SMURF2: variants seen among roughly 807,000 people sequenced by gnomAD.
SMURF2 encodes the protein E3 ubiquitin-protein ligase SMURF2.
A neutral mutation model predicts 109.6 loss-of-function variants in SMURF2; 48 were observed. The ratio of observed to expected loss-of-function variants is 0.44; its 90% confidence interval spans 0.35 to 0.56. The LOEUF (loss-of-function observed/expected upper bound fraction) is 0.56, where lower values mean the gene tolerates loss of function less well. Ranked by LOEUF, SMURF2 falls within the 20% of genes least tolerant of loss-of-function variation. The probability of loss-of-function intolerance (pLI) is 0.01; values close to 1 mark genes in which losing one functional copy is unlikely to be tolerated. For missense variants in SMURF2, 575 were observed against 909.0 expected, an observed-to-expected ratio of 0.63 and a Z score of 4.72; for synonymous variants, 288 against 317.1, an observed-to-expected ratio of 0.91 and a Z score of 0.97.
chr17:64,586,097 A>G lies in SMURF2; in HGVS notation c.474T>C (p.Asp158=), dbSNP rs1969648120. ...VVDCSRLFDN[D]LPDGWEERRT... Reference sequence around the variant, plus strand: ...TGATGTTAGCTTACCCGTCTGGTAAATCGTTATCAAATAAACGACTGCAGT... The same window carrying G: ...TGATGTTAGCTTACCCGTCTGGTAAGTCGTTATCAAATAAACGACTGCAGT... Residue 158 remains aspartate (D), a synonymous_variant, in exon 6 of 19, where the codon GAT becomes GAC. Transcript: ENST00000262435. 4.4e-6 allele frequency: 7 copies of G among 1,597,228 alleles called. No individual in the cohort carries two copies. Among genetic ancestry groups the G allele is most frequent in the Non-Finnish European group, 6.0e-6 (7 of 1,168,878 alleles).
Position 64,554,990 on chromosome 17 carries a change from C to G in SMURF2, c.1614G>C (p.Glu538Asp). Residue 538 changes from glutamate to aspartate, a missense_variant, in exon 15 of 19, where the codon GAG becomes GAC. Glu to Asp is a conservative substitution (Grantham distance 45). Around this residue, in one of 5 missense-constraint regions of SMURF2, gnomAD observed 361 missense variants for 612.1 expected, o/e 0.59. Coordinates refer to ENST00000262435, the MANE Select transcript of SMURF2 (RefSeq NM_022739.4). The stretch of plus-strand genomic sequence containing the variant: ...GGTCCAAAACACCTGTAATATCATT[C>G]TCACTGGATAGGAAAGAGGAAAAGA... The part of the protein sequence containing the change: ...DLHNSLVWIL[E>D]NDITGVLDHT... The G allele has an allele frequency of 6.2e-7, 1 of 1,612,834 alleles. No individual in the cohort carries two copies. Among genetic ancestry groups the G allele is most frequent in the Non-Finnish European group, 8.5e-7 (1 of 1,179,422 alleles).
At chr17:64,583,732 A>C (rs1029100847) in intron 6 of SMURF2, among the ~76,000 whole-genome samples, 188 bp from the exon 7 acceptor site, 1 of 152,210 alleles carries the variant, frequency 6.6e-6, no homozygotes, top group East Asian at 1.9e-4. Context: ...TGAAGCTTCT[A>C]AAGTATTTAT....
intron 9 of SMURF2, among the ~76,000 whole-genome samples, chr17:64,576,230 G>C (rs375327614): frequency 1.3e-5 from 2 of 151,748 alleles, no homozygotes; most frequent in African/African-American, 4.9e-5. Flanking sequence ...AGGGAGGCAG[G>C]GAGAAAACAA....
At position 64,650,354 on chromosome 17, in the gene SMURF2, T is replaced by G. The variant is rs570299502; in HGVS notation, c.52+11475A>C. On this transcript the variant is annotated intron_variant, in intron 1 of 18. Transcript: ENST00000262435. ...ACGGGTTTTTTGTTTTTTGTTTTTT[T>G]TTTTGGTATTTTCACACCTGGTTTT... Among the ~76,000 whole-genome samples the G allele has an allele frequency of 4.1e-4, 59 of 143,080 alleles. 1 individual carries two copies. The South Asian group carries it at 5.8e-3, about 14-fold the overall frequency. The allele number at this position is 143,080 out of a possible 152,430, so 93.9% of individuals were successfully genotyped here. A position where few individuals can be genotyped will look rare whatever the true frequency, so the allele number is the denominator to read the frequency against.
At chr17:64,605,925 G>GTT (rs200749089) in intron 2 of SMURF2, among the ~76,000 whole-genome samples, 7,118 of 142,930 alleles carry the variant, frequency 0.05, 282 homozygotes, top group Admixed American at 0.14. Context: ...GTTGGCTGAA[G>GTT]TTTTTTTTTT....
chr17:64,640,880 C>T (rs1298824006), intron 1 of SMURF2, among the ~76,000 whole-genome samples: 11 of 145,744 alleles, frequency 7.5e-5, no homozygotes, highest in African/African-American at 2.8e-4. Context: ...GATCATGCCA[C>T]AGCACTCCAG....
In SMURF2 at chr17:64,578,563, C is replaced by A; in HGVS notation, c.786G>T (p.Thr262=). 4.3e-6 allele frequency: 7 copies of A among 1,612,262 alleles called. No homozygotes were observed. The highest frequency in any genetic ancestry group is 5.9e-6 in the Non-Finnish European group (7 of 1,178,366). The stretch of plus-strand genomic sequence containing the variant: ...GTAAGAAATACACCTGGCCTTGTTG[C>A]GTTGTCCTCTGTTCTGTAAAATTAA... ...DLPEGYEQRT[T]QQGQVYFLHT... is the part of the protein sequence containing the mutation. The change falls in exon 9 of 19, where the codon ACG becomes ACT. Residue 262 remains threonine, a synonymous_variant. Coordinates refer to ENST00000262435, the MANE Select transcript of SMURF2 (RefSeq NM_022739.4).
At chr17:64,613,794 C>T (rs1444177931) in intron 1 of SMURF2, among the ~76,000 whole-genome samples, 2 of 148,572 alleles carry the variant, frequency 1.3e-5, no homozygotes, top group Non-Finnish European at 3.0e-5. Flanking sequence ...ATGATTCAAT[C>T]TCATTACATT....
chr17:64,558,726 A>G (rs1304013430), intron 12 of SMURF2, among the ~76,000 whole-genome samples: 5 of 152,248 alleles, frequency 3.3e-5, no homozygotes, highest in Admixed American at 3.3e-4. Flanking sequence ...TGGAATAAAA[A>G]GTACTTCCAC....
At chr17:64,611,257 T>TA (rs1970040661) in intron 1 of SMURF2, among the ~76,000 whole-genome samples, 2 of 152,290 alleles carry the variant, frequency 1.3e-5, no homozygotes, top group South Asian at 4.1e-4. Flanking sequence ...CATAGCTTAA[T>TA]AGATTGACAG....
chr17:64,601,568 A>C (rs1969896428), intron 2 of SMURF2, among the ~76,000 whole-genome samples: 1 of 152,220 alleles, frequency 6.6e-6, no homozygotes, highest in Admixed American at 6.5e-5. Context: ...GCATGGATGC[A>C]GTGAAAAGGG....
At chr17:64,629,550 C>A (rs1224286968) in intron 1 of SMURF2, among the ~76,000 whole-genome samples, 7 of 152,118 alleles carry the variant, frequency 4.6e-5, no homozygotes, top group African/African-American at 1.4e-4. Context: ...ACACCATCCC[C>A]GAAGTCTTTC....
intron 1 of SMURF2, among the ~76,000 whole-genome samples, chr17:64,622,593 G>C (rs954570637): frequency 2.6e-5 from 4 of 152,134 alleles, no homozygotes; most frequent in Admixed American, 2.0e-4. Context: ...AACTTCTCAT[G>C]ATTAGACGGG....
intron 1 of SMURF2, among the ~76,000 whole-genome samples, chr17:64,646,967 T>C (rs1555693025): frequency 1.3e-5 from 2 of 152,206 alleles, no homozygotes; most frequent in Non-Finnish European, 2.9e-5. Flanking sequence ...GAAATACCTA[T>C]GGGCTTTCAT....
Position 64,547,919 on chromosome 17 carries a change from T to C in SMURF2, c.1870-118A>G, listed in dbSNP as rs1341554080. 6.3e-6 allele frequency: 5 copies of C among 791,696 alleles called. No individual in the cohort carries two copies. Among genetic ancestry groups the C allele is most frequent in the Non-Finnish European group, 1.0e-5 (5 of 480,300 alleles). 49.0% of individuals were successfully genotyped at this position (791,696 alleles called of 1,614,324 possible). On this transcript the variant is annotated intron_variant, in intron 16 of 18. Coordinates refer to ENST00000262435, the MANE Select transcript of SMURF2 (RefSeq NM_022739.4). This position sits in a 1 kb window ranked among gnomAD's most constrained non-coding sequence, Gnocchi z 4.2. ...TCATTTGGTGGTTCCTAATTAAAGA[T>C]GCACATCAGAATCATCTGAAAAGCT... is the stretch of plus-strand genomic sequence containing the variant.
rs150308222 is a variant in SMURF2, at chr17:64,652,519, G to A, written c.52+9310C>T. 6.0e-3 allele frequency among the ~76,000 whole-genome samples: 913 copies of A among 152,280 alleles called. 6 individuals are homozygous for A. Among genetic ancestry groups the A allele is most frequent in the Middle Eastern group, 0.014 (4 of 292 alleles). On this transcript the variant is annotated intron_variant, in intron 1 of 18. Coordinates refer to ENST00000262435, the MANE Select transcript of SMURF2 (RefSeq NM_022739.4). ...TTTGTTTGTTTTGAGACAGAATCTCGCTCTGTCGCCCAGGCTGGAGTGCAG... is the reference window on the plus strand; with the variant it reads ...TTTGTTTGTTTTGAGACAGAATCTCACTCTGTCGCCCAGGCTGGAGTGCAG...
intron 12 of SMURF2, among the ~76,000 whole-genome samples, chr17:64,559,508 G>A (rs546642038): frequency 1.3e-5 from 2 of 151,772 alleles, no homozygotes; most frequent in Admixed American, 6.6e-5. Context: ...CTGGAGAATC[G>A]CTTGAACCCA....
chr17:64,631,029 G>A (rs981330783), intron 1 of SMURF2, among the ~76,000 whole-genome samples: 1 of 151,920 alleles, frequency 6.6e-6, no homozygotes, highest in South Asian at 2.1e-4. Context: ...AAGGTCATGT[G>A]TAGTGGCTCA....
chr17:64,586,143 C>T lies in SMURF2; in HGVS notation c.428G>A (p.Gly143Asp), dbSNP rs782166497. The change falls in exon 6 of 19, where the codon GGC becomes GAC. Residue 143 changes from glycine to aspartate, a missense_variant. Transcript: ENST00000262435. ...VVSLQSRDRI[G>D]TGGQVVDCSR... ...GCAGTCCACAACTTGTCCTCCTGTG[C>T]CTATTCGGTCTCTGGACTGAAGACT... is the stretch of plus-strand genomic sequence containing the variant. 6.2e-7 allele frequency: 1 copy of T among 1,608,946 alleles called. No individual in the cohort carries two copies. Among genetic ancestry groups the T allele is most frequent in the East Asian group, 2.2e-5 (1 of 44,686 alleles).
Sources: gnomAD v4.1 joint callset for allele counts (sites outside exome capture counted in the v4.1 genomes callset) on GRCh38, gnomAD v4.1.1 for gene constraint, gnomAD v4.1.1 regional missense constraint, Gnocchi (gnomAD v3.1) non-coding constraint, MANE v1.5 for transcripts, NCBI Gene and HGNC (gene_info 2026-07-23, HGNC 2026-07-21) for gene names.